Variants in UBR1 observed in about 807,000 individuals in gnomAD.
UBR1 encodes E3 ubiquitin-protein ligase UBR1.
In UBR1, 102 loss-of-function variants were observed where a neutral mutation model predicts 242.1. The observed-to-expected ratio is 0.42, with a 90% CI of 0.36 to 0.50. The LOEUF (loss-of-function observed/expected upper bound fraction) is 0.50. UBR1 is among the 20% of genes least tolerant of loss of function. The pLI is 0.01. For missense variants in UBR1, 1,772 were observed against 2,101.8 expected (o/e 0.84, Z 3.07); for synonymous variants, 675 against 684.8 (o/e 0.99, Z 0.22).
intron 6 of UBR1, among the ~76,000 whole-genome samples, chr15:43,065,790 T>C (rs1467510460): frequency 6.6e-6 from 1 of 152,202 alleles, no homozygotes; most frequent in African/African-American, 2.4e-5. Context: ...TGTCTGTTCA[T>C]GTCTTTTGCC....
chr15:43,093,495 C>T (rs1360131404), intron 1 of UBR1, among the ~76,000 whole-genome samples: 1 of 152,110 alleles, frequency 6.6e-6, no homozygotes, highest in Non-Finnish European at 1.5e-5. Flanking sequence ...CAAAGGTTTA[C>T]AGCAACCAGG....
intron 7 of UBR1, 90 bp from the exon 8 acceptor site, chr15:43,059,915 C>A: frequency 6.4e-7 from 1 of 1,566,098 alleles, no homozygotes; most frequent in Non-Finnish European, 8.8e-7. Flanking sequence ...AATCACATAA[C>A]CCTGCCAGTT....
chr15:43,046,934 T>C (rs575891964), intron 14 of UBR1, among the ~76,000 whole-genome samples: 7 of 152,280 alleles, frequency 4.6e-5, no homozygotes, highest in Non-Finnish European at 8.8e-5. Context: ...TACATACACA[T>C]GTATAAACCC....
Position 43,079,648 on chromosome 15 carries a change from G to C in UBR1, c.417+2990C>G, listed in dbSNP as rs1286322536. Among the ~76,000 whole-genome samples the C allele has an allele frequency of 3.9e-5, 6 of 152,180 alleles. No homozygotes were observed. The East Asian group carries it at 5.8e-4, about 15-fold the overall frequency. On this transcript the variant is annotated intron_variant, in intron 3 of 46. Transcript: ENST00000290650. ...ACAAAAAAAATTAGCCGGGTATGGT[G>C]GTGGGCGCCTGTAGTCCCAGCTACT...
chr15:42,955,872 G>T (rs886141156), intron 44 of UBR1, among the ~76,000 whole-genome samples: 5 of 152,240 alleles, frequency 3.3e-5, no homozygotes, highest in East Asian at 1.9e-4. Context: ...ACATGTTTAG[G>T]CTTATGCTCT....
At chr15:43,049,532 C>T (rs1435816211) in intron 12 of UBR1, among the ~76,000 whole-genome samples, 1 of 152,176 alleles carries the variant, frequency 6.6e-6, no homozygotes, top group Non-Finnish European at 1.5e-5. Flanking sequence ...CACTGCACTC[C>T]AGCCTGGGTG....
chr15:43,000,820 T>C (rs978485216), intron 32 of UBR1, among the ~76,000 whole-genome samples: 2 of 152,186 alleles, frequency 1.3e-5, no homozygotes, highest in African/African-American at 4.8e-5. Context: ...TATTAGAGAT[T>C]AGAACAACTC....
At chr15:43,067,819 T>G in intron 6 of UBR1, 79 bp downstream of exon 6, 1 of 1,582,162 alleles carries the variant, frequency 6.3e-7, no homozygotes, top group South Asian at 1.1e-5. Context: ...AGCACAATAC[T>G]GAGCAAGGGC....
intron 27 of UBR1, among the ~76,000 whole-genome samples, chr15:43,019,764 T>TA (rs1420927698): frequency 1.3e-5 from 2 of 149,454 alleles, no homozygotes; most frequent in East Asian, 3.9e-4. Flanking sequence ...CCAGCTAATT[T>TA]TTTTTTTTTT....
Position 43,037,754 on chromosome 15 carries a change from AT to A in UBR1, c.2022+18del. The A allele has an allele frequency of 6.2e-7, 1 of 1,606,408 alleles. No homozygotes were observed. Among genetic ancestry groups the A allele is most frequent in the South Asian group, 1.1e-5 (1 of 90,896 alleles). The stretch of plus-strand genomic sequence containing the variant: ...AAAATGAGCACATTCATAAATATGA[AT>A]AATAGACTTTGCTGTACCTGGCTAA... On this transcript the variant is annotated intron_variant, in intron 17 of 46. Coordinates refer to ENST00000290650, the MANE Select transcript of UBR1 (RefSeq NM_174916.3).
intron 5 of UBR1, among the ~76,000 whole-genome samples, chr15:43,068,406 C>T (rs1054986743): frequency 6.6e-6 from 1 of 151,876 alleles, no homozygotes; most frequent in Non-Finnish European, 1.5e-5. Context: ...AGGCTGGTTG[C>T]AAACTCCTGA....
intron 28 of UBR1, 60 bp from the exon 29 acceptor site, chr15:43,015,929 G>T: frequency 6.7e-7 from 1 of 1,500,854 alleles, no homozygotes; most frequent in Non-Finnish European, 9.2e-7. Context: ...TATATACGCT[G>T]TTTGGATGGC....
intron 22 of UBR1, among the ~76,000 whole-genome samples, chr15:43,027,266 T>G (rs558868721): frequency 1.5e-4 from 23 of 152,176 alleles, no homozygotes; most frequent in Middle Eastern, 6.8e-3. Context: ...TAAAAGTTAT[T>G]TGAAACTAGT....
intron 29 of UBR1, among the ~76,000 whole-genome samples, chr15:43,013,441 T>A (rs2032956215): frequency 6.6e-6 from 1 of 152,208 alleles, no homozygotes; most frequent in South Asian, 2.1e-4. Context: ...TCCAAGGTGC[T>A]ATCCATACCT....
intron 35 of UBR1, among the ~76,000 whole-genome samples, chr15:42,987,986 A>C (rs888298282): frequency 6.6e-6 from 1 of 152,124 alleles, no homozygotes; most frequent in African/African-American, 2.4e-5. Flanking sequence ...GTGATCCCTC[A>C]CTGCTACATT....
intron 6 of UBR1, among the ~76,000 whole-genome samples, 165 bp from the exon 7 acceptor site, chr15:43,060,279 A>G (rs1751337685): frequency 6.6e-6 from 1 of 152,234 alleles, no homozygotes; most frequent in Non-Finnish European, 1.5e-5. Flanking sequence ...GCAAATGTTT[A>G]ACACCTTTAT....
chr15:43,054,350 CA>C (rs59437906), intron 12 of UBR1, among the ~76,000 whole-genome samples: 53 of 134,242 alleles, frequency 3.9e-4, no homozygotes, highest in Admixed American at 6.7e-4. Flanking sequence ...GACCCTGTCT[CA>C]AAAAAAAAAA....
At chr15:43,052,218 G>A (rs988417391) in intron 12 of UBR1, among the ~76,000 whole-genome samples, 1 of 152,064 alleles carries the variant, frequency 6.6e-6, no homozygotes, top group African/African-American at 2.4e-5. Flanking sequence ...TGATTTAGAA[G>A]GAATTTTAAC....
At chr15:42,962,900 G>C (rs1365893297) in intron 42 of UBR1, among the ~76,000 whole-genome samples, 1 of 152,148 alleles carries the variant, frequency 6.6e-6, no homozygotes, top group African/African-American at 2.4e-5. Context: ...GAAATTCCCA[G>C]GGTCACTTTC....
Sources: allele counts gnomAD v4.1 joint callset (sites outside exome capture counted in the v4.1 genomes callset), GRCh38; gene constraint gnomAD v4.1.1; transcripts MANE v1.5; gene names NCBI Gene and HGNC (gene_info 2026-07-23, HGNC 2026-07-21).